Variants in FRMD3 observed in about 807,000 individuals in gnomAD.
The protein encoded by FRMD3 is FERM domain containing 3, also known as FERM domain-containing protein 3.
In FRMD3, 33 loss-of-function variants were observed where a neutral mutation model predicts 70.2. The observed-to-expected ratio is 0.47, with a 90% confidence interval of 0.36 to 0.63. FRMD3 has a LOEUF of 0.63. Among genes scored for constraint, FRMD3 ranks in the 20% least tolerant of loss-of-function variants. The pLI is 0.00. For missense variants in FRMD3, 632 were observed against 711.4 expected, an observed-to-expected ratio of 0.89 and a Z score of 1.27; for synonymous variants, 279 against 255.9, an observed-to-expected ratio of 1.09 and a Z score of -0.86.
At chr9:83,415,288 A>C (rs1289867982) in intron 1 of FRMD3, among the ~76,000 whole-genome samples, 1 of 152,224 alleles carries the variant, frequency 6.6e-6, no homozygotes, top group Non-Finnish European at 1.5e-5. Context: ...TCTGGGGCAG[A>C]GAAGGCAGAG....
intron 1 of FRMD3, among the ~76,000 whole-genome samples, chr9:83,535,361 G>A (rs1466853944): frequency 6.6e-6 from 1 of 152,122 alleles, no homozygotes; most frequent in African/African-American, 2.4e-5. Context: ...TTTGAATCTG[G>A]AATGCTTACC....
chr9:83,383,608 T>G (rs1046518492), intron 2 of FRMD3, among the ~76,000 whole-genome samples: 1 of 152,220 alleles, frequency 6.6e-6, no homozygotes. Context: ...GTGAGTACTT[T>G]ACTCTTCAAC....
intron 1 of FRMD3, among the ~76,000 whole-genome samples, chr9:83,435,118 C>T (rs537881693): frequency 6.6e-5 from 10 of 152,220 alleles, no homozygotes; most frequent in Admixed American, 4.6e-4. Context: ...CGTGAGCCAC[C>T]GTACCAGGCC....
chr9:83,428,809 T>C (rs544469399), intron 1 of FRMD3, among the ~76,000 whole-genome samples: 2 of 152,308 alleles, frequency 1.3e-5, no homozygotes, highest in Admixed American at 1.3e-4. Flanking sequence ...AAGTTCTTCC[T>C]ACCATATCAA....
At chr9:83,351,199 T>C (rs1824143949) in intron 3 of FRMD3, among the ~76,000 whole-genome samples, 1 of 152,156 alleles carries the variant, frequency 6.6e-6, no homozygotes, top group Non-Finnish European at 1.5e-5. Flanking sequence ...GGTTCTTGAA[T>C]ATGAATGTAT....
chr9:83,336,556 T>G (rs10780595), intron 5 of FRMD3, among the ~76,000 whole-genome samples: 32 of 148,970 alleles, frequency 2.1e-4, no homozygotes, highest in Non-Finnish European at 4.4e-4. Flanking sequence ...CCAGCGGGAT[T>G]GCACTTAAAA....
At chr9:83,475,321 G>C (rs1828369982) in intron 1 of FRMD3, among the ~76,000 whole-genome samples, 1 of 151,924 alleles carries the variant, frequency 6.6e-6, no homozygotes. Flanking sequence ...GGAAATTCTA[G>C]AACTGAAAAA....
At chr9:83,333,187 T>G (rs1823450695) in intron 6 of FRMD3, among the ~76,000 whole-genome samples, 1 of 152,162 alleles carries the variant, frequency 6.6e-6, no homozygotes, top group African/African-American at 2.4e-5. Flanking sequence ...CTACTTAGAA[T>G]GAGCAAAAAT....
At chr9:83,545,971 C>T in the FRMD3 span, among the ~76,000 whole-genome samples, 1 of 151,872 alleles carries the variant, frequency 6.6e-6, no homozygotes, top group Non-Finnish European at 1.5e-5. Flanking sequence ...TGTCTAATCA[C>T]CTGTAAAGGA....
At chr9:83,265,085 G>A (rs914513575) in intron 13 of FRMD3, among the ~76,000 whole-genome samples, 1 of 152,066 alleles carries the variant, frequency 6.6e-6, no homozygotes, top group Admixed American at 6.5e-5. Flanking sequence ...TGCACATACA[G>A]AAGTTCTCTG....
chr9:83,557,931 C>T, the FRMD3 span, among the ~76,000 whole-genome samples: 2 of 152,150 alleles, frequency 1.3e-5, no homozygotes, highest in Non-Finnish European at 2.9e-5. Flanking sequence ...TTGCCTATGG[C>T]TCTAAATTGC....
At chr9:83,264,721 T>G (rs1323781) in intron 13 of FRMD3, among the ~76,000 whole-genome samples, 2 of 151,584 alleles carry the variant, frequency 1.3e-5, no homozygotes, top group Non-Finnish European at 2.9e-5. Context: ...GCAGGAATAA[T>G]AAAAGATATA....
At chr9:83,317,930 C>T (rs554860574) in intron 6 of FRMD3, among the ~76,000 whole-genome samples, 3 of 152,252 alleles carry the variant, frequency 2.0e-5, no homozygotes, top group African/African-American at 7.2e-5. Context: ...TTTTTAAACT[C>T]CTGTAAATCA....
At position 83,251,558 on chromosome 9, in the gene FRMD3, A is replaced by AACGAACAT. The variant is rs373146474; in HGVS notation, c.1196-3050_1196-3043dup. 9.5e-3 allele frequency among the ~76,000 whole-genome samples: 1,451 copies of AACGAACAT among 152,334 alleles called. 23 individuals carry two copies. Among genetic ancestry groups the AACGAACAT allele is most frequent in the African/African-American group, 0.033 (1,376 of 41,572 alleles). ...AAGTAGGCTTCAGAAGGTGGGTAAT[A>AACGAACAT]ACGAACATCACTGAGCTAAAGGAGT... On this transcript the variant is annotated intron_variant, in intron 13 of 13. Transcript: ENST00000304195.
chr9:83,294,310 G>A (rs1834569074), intron 12 of FRMD3, among the ~76,000 whole-genome samples: 1 of 152,130 alleles, frequency 6.6e-6, no homozygotes, highest in Non-Finnish European at 1.5e-5. Context: ...CTAAAACTGT[G>A]AGAAATAAAT....
Position 83,248,035 on chromosome 9 carries a change from T to A in FRMD3, c.1677A>T (p.Leu559Phe). Residue 559 changes from leucine (L) to phenylalanine (F), a missense_variant, in exon 14 of 14, where the codon TTA becomes TTT. This residue lies in a region of FRMD3 where 418 missense variants were observed against 442.1 expected (regional missense o/e 0.95). Coordinates refer to ENST00000304195, the MANE Select transcript of FRMD3 (RefSeq NM_174938.6). Reference sequence around the variant, plus strand: ...ACTCTGGTGTCTGGCGGATTTCGCATAAGAAGGAGAGATCAATACCTGACT... The same window carrying A: ...ACTCTGGTGTCTGGCGGATTTCGCAAAAGAAGGAGAGATCAATACCTGACT... ...LLESGIDLSF[L>F]CEIRQTPEFE... is the part of the protein sequence containing the mutation. 1 of 1,614,066 alleles carries A rather than the reference T, an allele frequency of 6.2e-7. No individual in the cohort carries two copies. The highest frequency in any genetic ancestry group is 8.5e-7 in the Non-Finnish European group (1 of 1,180,022).
intron 1 of FRMD3, among the ~76,000 whole-genome samples, chr9:83,445,188 C>T (rs1827419211): frequency 6.6e-6 from 1 of 152,064 alleles, no homozygotes; most frequent in African/African-American, 2.4e-5. Context: ...CTAGCCTAGC[C>T]AACATGGTGA....
At chr9:83,378,936 C>CA (rs1435048796) in intron 2 of FRMD3, among the ~76,000 whole-genome samples, 1 of 146,804 alleles carries the variant, frequency 6.8e-6, no homozygotes, top group Non-Finnish European at 1.5e-5. Context: ...CTATGTAGGC[C>CA]AGGCTGGTCT....
the FRMD3 span, among the ~76,000 whole-genome samples, chr9:83,577,481 T>C: frequency 6.6e-6 from 1 of 151,978 alleles, no homozygotes; most frequent in South Asian, 2.1e-4. Context: ...TAACTAACAG[T>C]GCTGTGACCA....
Sources: gnomAD v4.1 joint callset for allele counts (sites outside exome capture counted in the v4.1 genomes callset) on GRCh38, gnomAD v4.1.1 for gene constraint, gnomAD v4.1.1 regional missense constraint, MANE v1.5 for transcripts, NCBI Gene and HGNC (gene_info 2026-07-23, HGNC 2026-07-21) for gene names.